GRAMD4: variants seen among roughly 807,000 people sequenced by gnomAD.
GRAMD4 encodes GRAM domain-containing protein 4.
GRAMD4 carries 25 observed loss-of-function variants against 83.9 expected under a neutral mutation model. The observed-to-expected ratio is 0.30, with a 90% CI of 0.22 to 0.42. The LOEUF (loss-of-function observed/expected upper bound fraction) is 0.42, where lower values mean the gene tolerates loss of function less well. Ranked by LOEUF, GRAMD4 falls within the 10% of genes least tolerant of loss-of-function variation. The pLI is 1.00. For synonymous variants in GRAMD4, 336 were observed against 320.9 expected, an observed-to-expected ratio of 1.05 and a Z score of -0.50; for missense variants, 593 against 788.7, an observed-to-expected ratio of 0.75 and a Z score of 2.97.
At chr22:46,680,658 C>G (rs950422325), downstream of GRAMD4, among the ~76,000 whole-genome samples, 2 of 58,280 alleles carry the variant, frequency 3.4e-5, no homozygotes, top group African/African-American at 1.2e-4. Context: ...ATCCACCTAC[C>G]CACTCATCCA....
chr22:46,617,041 TG>T, upstream of GRAMD4, among the ~76,000 whole-genome samples: 1 of 137,616 alleles, frequency 7.3e-6, no homozygotes, highest in Non-Finnish European at 1.6e-5. Context: ...GGTTCCCCTG[TG>T]CGTGTGGGTT....
chr22:46,679,936 A>T (rs2082650777), downstream of GRAMD4: 1 of 205,170 alleles, frequency 4.9e-6, no homozygotes, highest in Admixed American at 6.5e-5. Context: ...TTGGGTACTG[A>T]TGCGGCCTGA....
intron 1 of GRAMD4, among the ~76,000 whole-genome samples, chr22:46,591,347 A>T (rs1222066705): frequency 6.6e-6 from 1 of 152,130 alleles, no homozygotes; most frequent in Admixed American, 6.5e-5. Flanking sequence ...GTGAGACTCC[A>T]TCTCTACTAA....
Position 46,679,497 on chromosome 22 carries a change from TGTAGTTTTTA to T in GRAMD4, c.*2247_*2256del. The T allele has an allele frequency of 1.0e-6, 1 of 985,574 alleles. No homozygotes were observed. Among genetic ancestry groups the T allele is most frequent in the South Asian group, 4.7e-5 (1 of 21,288 alleles). 61.1% of individuals were successfully genotyped at this position (985,574 alleles called of 1,614,324 possible). ...CTCTGGGCTCCCCGTGGAGAGAAGC[TGTAGTTTTTA>T]CCAAATTGTGTACATCTGGGCAGAT... On this transcript the variant is annotated 3_prime_UTR_variant, in exon 19 of 19. Coordinates refer to ENST00000406902, the MANE Select transcript of GRAMD4 (RefSeq NM_015124.5).
At chr22:46,667,000 T>C in intron 10 of GRAMD4, 127 bp downstream of exon 10, 1 of 613,570 alleles carries the variant, frequency 1.6e-6, no homozygotes, top group Non-Finnish European at 2.7e-6. Flanking sequence ...AGTCCTGGCC[T>C]GGCCTGAAGA....
chr22:46,591,852 AC>A (rs35988689), intron 1 of GRAMD4, among the ~76,000 whole-genome samples: 9 of 142,202 alleles, frequency 6.3e-5, no homozygotes, highest in Admixed American at 1.4e-4. Context: ...AAAAAAAAAA[AC>A]CCAGAAAGGC....
chr22:46,597,724 C>G (rs191175725), intron 1 of GRAMD4, among the ~76,000 whole-genome samples: 1 of 152,116 alleles, frequency 6.6e-6, no homozygotes, highest in Admixed American at 6.5e-5. Context: ...CTCCTGACCT[C>G]GTGATCTGCC....
chr22:46,614,985 G>A (rs2081460530), intron 1 of GRAMD4, among the ~76,000 whole-genome samples: 1 of 135,970 alleles, frequency 7.4e-6, no homozygotes, highest in Non-Finnish European at 1.6e-5. Flanking sequence ...CCTTGTGCAT[G>A]TAGGTTCCCC....
At chr22:46,630,339 C>T (rs898996896) in intron 2 of GRAMD4, among the ~76,000 whole-genome samples, 3 of 152,134 alleles carry the variant, frequency 2.0e-5, no homozygotes, top group East Asian at 1.9e-4. Flanking sequence ...TGTCTTTATT[C>T]ATTGATCTGT....
chr22:46,668,340 C>G (rs1448117148), intron 11 of GRAMD4, among the ~76,000 whole-genome samples, 173 bp downstream of exon 11: 3 of 152,162 alleles, frequency 2.0e-5, no homozygotes, highest in Non-Finnish European at 4.4e-5. Context: ...TTGTAGTCAC[C>G]CTGCCCTTGG....
chr22:46,646,290 C>T (rs886577651), intron 3 of GRAMD4, among the ~76,000 whole-genome samples: 3 of 152,202 alleles, frequency 2.0e-5, no homozygotes, highest in Admixed American at 6.5e-5. Flanking sequence ...CTGCCTTTTC[C>T]TCCTGAGCCC....
At chr22:46,576,069 G>A (rs929689551), upstream of GRAMD4, 2 of 152,866 alleles carry the variant, frequency 1.3e-5, no homozygotes, top group African/African-American at 4.8e-5. Context: ...ATGCCTGTGG[G>A]ACTCCCAAGG....
chr22:46,682,332 C>A, downstream of GRAMD4: 1 of 642,518 alleles, frequency 1.6e-6, no homozygotes, highest in Non-Finnish European at 1.9e-6. Context: ...AATAGCTGGA[C>A]CATGCACGAT....
intron 14 of GRAMD4, 74 bp from the exon 15 acceptor site, chr22:46,673,596 G>T (rs928877905): frequency 2.0e-6 from 3 of 1,537,088 alleles, no homozygotes; most frequent in Non-Finnish European, 2.7e-6. Context: ...GGGGAGGTGT[G>T]TGTGCGGCCA....
At chr22:46,577,270 T>C (rs998812360) in exon 1 of GRAMD4, 28 of 978,920 alleles carry the variant, frequency 2.9e-5, no homozygotes, top group Non-Finnish European at 3.1e-5. Context: ...GGATGAGAGT[T>C]GGCCCCGATA....
At chr22:46,606,820 G>T (rs1362184444) in intron 1 of GRAMD4, among the ~76,000 whole-genome samples, 1 of 152,276 alleles carries the variant, frequency 6.6e-6, no homozygotes, top group East Asian at 1.9e-4. Flanking sequence ...GAATGGTGCT[G>T]CTGTGGACAT....
intron 3 of GRAMD4, among the ~76,000 whole-genome samples, chr22:46,648,508 G>A (rs866112755): frequency 4.0e-5 from 6 of 151,406 alleles, no homozygotes; most frequent in Admixed American, 1.3e-4. Context: ...TGGATGGATG[G>A]GTGAGTAGAT....
At chr22:46,610,582 G>A (rs560589707) in intron 1 of GRAMD4, among the ~76,000 whole-genome samples, 4 of 152,338 alleles carry the variant, frequency 2.6e-5, no homozygotes, top group South Asian at 2.1e-4. Context: ...GTGCCTTCGC[G>A]ATATTGCAGT....
At chr22:46,616,116 CT>C (rs1218360989), upstream of GRAMD4, among the ~76,000 whole-genome samples, 2 of 144,030 alleles carry the variant, frequency 1.4e-5, no homozygotes, top group African/African-American at 5.2e-5. Flanking sequence ...GTAGGTTCCC[CT>C]GTGCGTGCAG....
Sources: allele counts gnomAD v4.1 joint callset (sites outside exome capture counted in the v4.1 genomes callset), GRCh38; gene constraint gnomAD v4.1.1; transcripts MANE v1.5; gene names NCBI Gene and HGNC (gene_info 2026-07-23, HGNC 2026-07-21).